Variants in GORASP1 observed in about 807,000 individuals in gnomAD.
GORASP1 encodes golgi reassembly stacking protein 1.
In GORASP1, 31 loss-of-function variants were observed where a neutral mutation model predicts 37.7. The ratio of observed to expected loss-of-function variants is 0.82; its 90% CI spans 0.62 to 1.11. The LOEUF (loss-of-function observed/expected upper bound fraction) is 1.11. GORASP1 is among the 50% of genes least tolerant of loss of function. GORASP1 has a pLI of 0.00. For synonymous variants in GORASP1, 204 were observed against 224.8 expected, an observed-to-expected ratio of 0.91 and a Z score of 0.83; for missense variants, 476 against 560.7, an observed-to-expected ratio of 0.85 and a Z score of 1.53.
chr3:39,107,256 G>A (rs1043239203), intron 1 of GORASP1: 1 of 525,734 alleles, frequency 1.9e-6, no homozygotes, highest in Non-Finnish European at 3.6e-6. Context: ...ACTTGGGGCG[G>A]GCGCTGGGCC....
At chr3:39,099,107 G>T in intron 7 of GORASP1, 1 of 780,364 alleles carries the variant, frequency 1.3e-6, no homozygotes, top group Non-Finnish European at 2.2e-6. Flanking sequence ...CATGTGAATA[G>T]CACAGTGGCA....
intron 1 of GORASP1, among the ~76,000 whole-genome samples, chr3:39,104,068 T>TG (rs1254394999): frequency 6.6e-6 from 1 of 152,108 alleles, no homozygotes; most frequent in African/African-American, 2.4e-5. Flanking sequence ...CCCCAGCCTC[T>TG]GGGGTGGGAG....
At position 39,098,562 on chromosome 3, in the gene GORASP1, C is replaced by A; in HGVS notation, c.1070-73G>T. On this transcript the variant is annotated intron_variant, in intron 8 of 8. Transcript: ENST00000319283. This position sits in a 1 kb window ranked among gnomAD's most constrained non-coding sequence, Gnocchi z 4.7. The stretch of plus-strand genomic sequence containing the variant: ...CATGGTGTTAGGGCCAGTAACCCCA[C>A]CGACCGCTCCCCATTGCCACTCCAG... 6.5e-7 allele frequency: 1 copy of A among 1,538,154 alleles called. No homozygotes were observed. Among genetic ancestry groups the A allele is most frequent in the South Asian group, 1.3e-5 (1 of 79,348 alleles).
intron 1 of GORASP1, among the ~76,000 whole-genome samples, chr3:39,104,710 C>T (rs947715493): frequency 6.6e-6 from 1 of 152,224 alleles, no homozygotes; most frequent in Non-Finnish European, 1.5e-5. Flanking sequence ...AATTAGGATT[C>T]CCTTCTGGCA....
rs1237110911 is a variant in GORASP1 at position 39,097,134 on chromosome 3, A to T, written c.*1102T>A. 1 of 152,272 alleles carries T rather than the reference A, an allele frequency of 6.6e-6. No individual in the cohort carries two copies. The highest frequency in any genetic ancestry group is 2.4e-5 in the African/African-American group (1 of 41,460). The allele number at this position is 152,272 out of a possible 1,614,324, so 9.4% of individuals were successfully genotyped here. A position where few individuals can be genotyped will look rare whatever the true frequency, so the allele number is the denominator to read the frequency against. ...ACATTCCTTGTCCTGCATACCTGAC[A>T]CAGCTTGTGAGTTCCCTGCATGTAC... On this transcript the variant is annotated 3_prime_UTR_variant, in exon 9 of 9. Coordinates refer to ENST00000319283, the MANE Select transcript of GORASP1 (RefSeq NM_031899.4).
chr3:39,107,022 C>G, intron 1 of GORASP1: 1 of 456,512 alleles, frequency 2.2e-6, no homozygotes, highest in Non-Finnish European at 4.4e-6. Flanking sequence ...GACGGGCTCC[C>G]CCGCAGCTGC....
intron 1 of GORASP1, among the ~76,000 whole-genome samples, chr3:39,106,256 A>G (rs1261954768): frequency 1.3e-5 from 2 of 152,092 alleles, no homozygotes; most frequent in Non-Finnish European, 2.9e-5. Flanking sequence ...GTGACTGACA[A>G]CCTCTGATCC....
rs762727014 is a variant in GORASP1, at chr3:39,098,303, T to C, written c.1256A>G (p.Glu419Gly). ...AGCCTCCGTCCCAGTATCTAGGCCC[T>C]CTGTGCTTGCTGGTTCCTCCTCAGC... is the stretch of plus-strand genomic sequence containing the variant. ...AQAEEEPASTEGLDTGTEAEG... is the reference protein window; with the variant it reads ...AQAEEEPASTGGLDTGTEAEG... Residue 419 changes from glutamate to glycine, a missense_variant, in exon 9 of 9, where the codon GAG becomes GGG. Physicochemically the swap from Glu to Gly is moderately conservative, Grantham distance 98. Transcript: ENST00000319283. This position sits in a 1 kb window ranked among gnomAD's most constrained non-coding sequence, Gnocchi z 4.7. 8 of 1,614,190 alleles carry C rather than the reference T, an allele frequency of 5.0e-6. No individual in the cohort carries two copies. The highest frequency in any genetic ancestry group is 1.7e-6 in the Non-Finnish European group (2 of 1,180,034).
At chr3:39,107,240 G>T in intron 1 of GORASP1, 2 of 538,072 alleles carry the variant, frequency 3.7e-6, no homozygotes, top group Admixed American at 4.9e-5. Context: ...TTCCGGCACT[G>T]CTGGCACTTG....
At position 39,100,475 on chromosome 3, in the gene GORASP1, G is replaced by A; in HGVS notation, c.595C>T (p.Leu199=). 1 of 1,593,742 alleles carries A rather than the reference G, an allele frequency of 6.3e-7. No homozygotes were observed. Among genetic ancestry groups the A allele is most frequent in the Non-Finnish European group, 8.5e-7 (1 of 1,170,032 alleles). Residue 199 remains leucine (L), a synonymous_variant, in exon 6 of 9, where the codon CTA becomes TTA. Transcript: ENST00000319283. This position sits in a 1 kb window ranked among gnomAD's most constrained non-coding sequence, Gnocchi z 4.6. ...GGGGGCTGAGTTGGGATCCGGTGTA[G>A]ATACCCATAGCCAATGCCACATCCC... The part of the protein sequence containing the change: ...SLGCGIGYGY[L]HRIPTQPPSY...
Position 39,098,067 on chromosome 3 carries a change from G to A in GORASP1, c.*169C>T, listed in dbSNP as rs1389178577. The A allele has an allele frequency of 1.3e-4, 100 of 759,444 alleles. No homozygotes were observed. Among genetic ancestry groups the A allele is most frequent in the East Asian group, 8.0e-5 (3 of 37,286 alleles). 47.0% of individuals were successfully genotyped at this position (759,444 alleles called of 1,614,324 possible). A position where few individuals can be genotyped will look rare whatever the true frequency, so the allele number is the denominator to read the frequency against. ...CCAAGCACTGGACCTGAGGGTACACGGCCAAAAGATATCCTCCCACAAGGC... is the reference window on the plus strand; with the variant it reads ...CCAAGCACTGGACCTGAGGGTACACAGCCAAAAGATATCCTCCCACAAGGC... On this transcript the variant is annotated 3_prime_UTR_variant, in exon 9 of 9. Coordinates refer to ENST00000319283, the MANE Select transcript of GORASP1 (RefSeq NM_031899.4). The surrounding 1 kb of genome is among the most constrained non-coding windows in gnomAD (Gnocchi z 4.7).
Position 39,100,857 on chromosome 3 carries a change from G to A in GORASP1, c.456C>T (p.Leu152=). ...AGGGCTTCCCCTCATGAGACTCGAT[G>A]AGCGTAAAGAAGTCCTCGGACTGTG... is the stretch of plus-strand genomic sequence containing the variant. The part of the protein sequence containing the change: ...ILQESEDFFT[L]IESHEGKPLK... Residue 152 remains leucine (L), a synonymous_variant, in exon 5 of 9, where the codon CTC becomes CTT. Coordinates refer to ENST00000319283, the MANE Select transcript of GORASP1 (RefSeq NM_031899.4). This position sits in a 1 kb window ranked among gnomAD's most constrained non-coding sequence, Gnocchi z 4.6. 6.2e-7 allele frequency: 1 copy of A among 1,614,174 alleles called. No individual in the cohort carries two copies. Among genetic ancestry groups the A allele is most frequent in the Non-Finnish European group, 8.5e-7 (1 of 1,180,008 alleles).
In GORASP1 at chr3:39,098,359, ATCT is replaced by A; in HGVS notation, c.1197_1199del (p.Glu399del). ...CTTCAAGCAGCTCGGCGGACAGCCCATCTTCTGGTGAGGCTGCAGAGGTGAGAC... is the reference window on the plus strand; with the variant it reads ...CTTCAAGCAGCTCGGCGGACAGCCCATCTGGTGAGGCTGCAGAGGTGAGAC... On this transcript the variant is annotated inframe_deletion, in exon 9 of 9. Transcript: ENST00000319283. This position sits in a 1 kb window ranked among gnomAD's most constrained non-coding sequence, Gnocchi z 4.7. 6.2e-7 allele frequency: 1 copy of A among 1,614,168 alleles called. No individual in the cohort carries two copies.
At position 39,097,901 on chromosome 3, in the gene GORASP1, G is replaced by A; in HGVS notation, c.*335C>T. Reference sequence around the variant, plus strand: ...TCCAGGGTCCCTTCCAGTACAGATGGGGTGGGCTGAGCTGTGCAGGAAGAA... The same window carrying A: ...TCCAGGGTCCCTTCCAGTACAGATGAGGTGGGCTGAGCTGTGCAGGAAGAA... On this transcript the variant is annotated 3_prime_UTR_variant, in exon 9 of 9. Transcript: ENST00000319283. 1 of 281,778 alleles carries A rather than the reference G, an allele frequency of 3.5e-6. No homozygotes were observed. 17.5% of individuals were successfully genotyped at this position (281,778 alleles called of 1,614,324 possible). A position where few individuals can be genotyped will look rare whatever the true frequency, so the allele number is the denominator to read the frequency against.
intron 1 of GORASP1, 100 bp downstream of exon 1, chr3:39,107,379 C>T (rs1354589082): frequency 2.9e-5 from 23 of 780,278 alleles, no homozygotes; most frequent in Non-Finnish European, 3.8e-5. Context: ...ACACTCGGGC[C>T]GGGACCCCGC....
At position 39,099,271 on chromosome 3, in the gene GORASP1, A is replaced by G. The variant is rs769228599; in HGVS notation, c.916+82T>C. ...ATACATGAGATATGAGGGGTCAGCA[A>G]GGCCTGGGGAAAGTTTTGACATAGC... On this transcript the variant is annotated intron_variant, in intron 7 of 8. Transcript: ENST00000319283. 3 of 1,494,734 alleles carry G rather than the reference A, an allele frequency of 2.0e-6. No homozygotes were observed. The African/African-American group carries it at 4.1e-5, about 21-fold the overall frequency. The allele number at this position is 1,494,734 out of a possible 1,614,324, so 92.6% of individuals were successfully genotyped here. A position where few individuals can be genotyped will look rare whatever the true frequency, so the allele number is the denominator to read the frequency against.
chr3:39,102,715 C>T lies in GORASP1; in HGVS notation c.311G>A (p.Ser104Asn), dbSNP rs758635587. Reference sequence around the variant, plus strand: ...CACCTGCTCACTGGCCCTGCGGAAGCTGCAGAAGCGCACACTGGCACCCAG... The same window carrying T: ...CACCTGCTCACTGGCCCTGCGGAAGTTGCAGAAGCGCACACTGGCACCCAG... ...GLLGASVRFC[S>N]FRRASEQVWH... Residue 104 changes from serine to asparagine, a missense_variant, in exon 3 of 9, where the codon AGC becomes AAC. Ser to Asn is a conservative substitution (Grantham distance 46, BLOSUM62 1). Coordinates refer to ENST00000319283, the MANE Select transcript of GORASP1 (RefSeq NM_031899.4). The surrounding 1 kb of genome is among the most constrained non-coding windows in gnomAD (Gnocchi z 5.0). 5.0e-6 allele frequency: 8 copies of T among 1,614,192 alleles called. No individual in the cohort carries two copies. Among genetic ancestry groups the T allele is most frequent in the Non-Finnish European group, 6.8e-6 (8 of 1,180,022 alleles).
Position 39,097,967 on chromosome 3 carries a change from TCCTC to T in GORASP1, c.*265_*268del, listed in dbSNP as rs898679392. 21 of 490,628 alleles carry T rather than the reference TCCTC, an allele frequency of 4.3e-5. No homozygotes were observed. The highest frequency in any genetic ancestry group is 3.3e-5 in the Non-Finnish European group (9 of 272,018). The allele number at this position is 490,628 out of a possible 1,614,324, so 30.4% of individuals were successfully genotyped here. The stretch of plus-strand genomic sequence containing the variant: ...CAACACTGGACAGCAACCCCTTCCT[TCCTC>T]ACCTCATCTTCACACTGGATTATGA... On this transcript the variant is annotated 3_prime_UTR_variant, in exon 9 of 9. Transcript: ENST00000319283.
chr3:39,099,602 G>T, intron 6 of GORASP1, 99 bp from the exon 7 acceptor site: 4 of 1,238,970 alleles, frequency 3.2e-6, no homozygotes, highest in Non-Finnish European at 4.6e-6. Flanking sequence ...ACTTGTCCCA[G>T]GAACACTGCT....
Sources: allele counts gnomAD v4.1 joint callset (sites outside exome capture counted in the v4.1 genomes callset), GRCh38; gene constraint gnomAD v4.1.1; non-coding constraint Gnocchi (gnomAD v3.1); transcripts MANE v1.5; gene names NCBI Gene and HGNC (gene_info 2026-07-23, HGNC 2026-07-21).